Variants in WNK1 observed in about 807,000 individuals in gnomAD.
The protein encoded by WNK1 is WNK lysine deficient protein kinase 1, also known as serine/threonine-protein kinase WNK1.
Under a neutral mutation model 222.8 loss-of-function variants are expected in WNK1, and 38 were observed. The observed-to-expected ratio is 0.17, with a 90% CI of 0.13 to 0.22. The LOEUF is 0.22. WNK1 is among the 10% of genes least tolerant of loss of function. The pLI, the probability that WNK1 is intolerant of heterozygous loss-of-function variation, is 1.00. For synonymous variants in WNK1, 1,090 were observed against 1,092.9 expected, an observed-to-expected ratio of 1.00 and a Z score of 0.05; for missense variants, 2,348 against 2,918.4, an observed-to-expected ratio of 0.80 and a Z score of 4.50.
At chr12:893,823 AAAT>A (rs56048238) in intron 22 of WNK1, among the ~76,000 whole-genome samples, 16 of 143,776 alleles carry the variant, frequency 1.1e-4, no homozygotes, top group South Asian at 9.0e-4. Context: ...ACTCCATCTC[AAAT>A]AATAATAATA....
intron 4 of WNK1, among the ~76,000 whole-genome samples, chr12:856,186 G>T (rs377442939): frequency 6.6e-6 from 1 of 151,556 alleles, no homozygotes; most frequent in South Asian, 2.1e-4. Flanking sequence ...GGTGGCTCAC[G>T]CCTGTAATCC....
intron 4 of WNK1, among the ~76,000 whole-genome samples, chr12:847,474 T>G (rs1950103223): frequency 6.6e-6 from 1 of 152,210 alleles, no homozygotes; most frequent in African/African-American, 2.4e-5. Flanking sequence ...AAGTGTTCAC[T>G]AAAGTATTCA....
chr12:877,874 G>A (rs1312419041), intron 9 of WNK1: 1 of 342,398 alleles, frequency 2.9e-6, no homozygotes. Flanking sequence ...AGGGAAAAGG[G>A]AATGGCAGGG....
chr12:900,407 A>G lies in WNK1; in HGVS notation c.6449-69A>G, dbSNP rs184757900. Reference sequence around the variant, plus strand: ...CTCAGTGGAACAAACCAAATGTATAAGAACAGTGCCTGATGAGTGCATGGG... The same window carrying G: ...CTCAGTGGAACAAACCAAATGTATAGGAACAGTGCCTGATGAGTGCATGGG... On this transcript the variant is annotated intron_variant, in intron 25 of 27. Transcript: ENST00000315939. 2.4e-4 allele frequency: 378 copies of G among 1,562,562 alleles called. 4 individuals carry two copies. In the East Asian group the frequency reaches 8.3e-3, roughly 34 times the overall value.
chr12:851,809 A>G lies in WNK1; in HGVS notation c.1312-5352A>G, dbSNP rs763290139. The G allele has an allele frequency of 7.6e-6, 10 of 1,319,832 alleles. No individual in the cohort carries two copies. The African/African-American group carries it at 1.5e-4, about 20-fold the overall frequency. 81.8% of individuals were successfully genotyped at this position (1,319,832 alleles called of 1,614,324 possible). Reference sequence around the variant, plus strand: ...TAGGTAAGAATTTCCAGTATATGTAACAGTTTATATTGTAGCCTTTTTGGT... The same window carrying G: ...TAGGTAAGAATTTCCAGTATATGTAGCAGTTTATATTGTAGCCTTTTTGGT... On this transcript the variant is annotated intron_variant, in intron 4 of 27. Coordinates refer to ENST00000315939, the MANE Select transcript of WNK1 (RefSeq NM_018979.4).
In WNK1 at chr12:754,097, C is replaced by T; in HGVS notation, c.532C>T (p.Pro178Ser). The T allele has an allele frequency of 6.2e-7, 1 of 1,610,976 alleles. No individual in the cohort carries two copies. The highest frequency in any genetic ancestry group is 2.2e-5 in the East Asian group (1 of 44,840). The change falls in exon 1 of 28, where the codon CCG (proline) becomes TCG (serine). Residue 178 changes from proline to serine, a missense_variant. Physicochemically the swap from Pro to Ser is moderately conservative, Grantham distance 74 (BLOSUM62 -1). Transcript: ENST00000315939. ...QPSLVGSKEE[P>S]PPARSGSGGG... The stretch of plus-strand genomic sequence containing the variant: ...TAGCCTTGTGGGGAGCAAAGAGGAG[C>T]CGCCGCCGGCGAGAAGTGGCAGCGG...
At chr12:799,316 AG>A (rs1381960556) in intron 1 of WNK1, among the ~76,000 whole-genome samples, 1 of 147,710 alleles carries the variant, frequency 6.8e-6, no homozygotes, top group East Asian at 2.0e-4. Context: ...TTTTTTGTAG[AG>A]ATGGGGTTTT....
chr12:839,077 G>A (rs1162897334), intron 4 of WNK1, among the ~76,000 whole-genome samples: 1 of 152,142 alleles, frequency 6.6e-6, no homozygotes, highest in Non-Finnish European at 1.5e-5. Context: ...ACTTATTTTA[G>A]GGATAGGTAC....
At chr12:864,986 C>A in intron 8 of WNK1, 1 of 1,265,682 alleles carries the variant, frequency 7.9e-7, no homozygotes, top group Non-Finnish European at 1.0e-6. Flanking sequence ...AAAAAACTGA[C>A]TTTGTGGAAT....
intron 1 of WNK1, among the ~76,000 whole-genome samples, chr12:775,607 T>A (rs1164569802): frequency 6.6e-6 from 1 of 152,094 alleles, no homozygotes; most frequent in Admixed American, 6.6e-5. Context: ...TAGCTATAGT[T>A]CAAGGCTGCA....
chr12:800,050 G>A (rs575340881), intron 1 of WNK1, among the ~76,000 whole-genome samples: 3 of 152,212 alleles, frequency 2.0e-5, no homozygotes, highest in South Asian at 2.1e-4. Flanking sequence ...AGGCTGAGAC[G>A]GTAGGATTGC....
chr12:795,606 T>C (rs1046987885), intron 1 of WNK1, among the ~76,000 whole-genome samples: 6 of 152,208 alleles, frequency 3.9e-5, no homozygotes, highest in African/African-American at 1.4e-4. Flanking sequence ...CCCAGCCACA[T>C]AGAACTGTGA....
chr12:842,941 T>C (rs1198845522), intron 4 of WNK1, among the ~76,000 whole-genome samples: 1 of 152,096 alleles, frequency 6.6e-6, no homozygotes, highest in Admixed American at 6.6e-5. Context: ...ATTTATTTAT[T>C]TATTTATTTT....
intron 5 of WNK1, among the ~76,000 whole-genome samples, chr12:858,011 C>T (rs958081574): frequency 3.3e-5 from 5 of 152,146 alleles, no homozygotes; most frequent in African/African-American, 1.2e-4. Context: ...TTAAAGAATT[C>T]CATCTTTTCA....
In WNK1 at chr12:879,696, A is replaced by C. The variant is rs1352200471; in HGVS notation, c.2497A>C (p.Thr833Pro). ...HFLPVGQPLP[T>P]PLLPQYPVSQ... Reference sequence around the variant, plus strand: ...CCTTCCAGTGGGACAGCCGCTCCCTACTCCCTTGCTCCCTCAGTACCCTGT... The same window carrying C: ...CCTTCCAGTGGGACAGCCGCTCCCTCCTCCCTTGCTCCCTCAGTACCCTGT... The change falls in exon 11 of 28, where the codon ACT (threonine) becomes CCT (proline). Residue 833 changes from threonine to proline, a missense_variant. Transcript: ENST00000315939. 2 of 1,609,860 alleles carry C rather than the reference A, an allele frequency of 1.2e-6. No individual in the cohort carries two copies. Among genetic ancestry groups the C allele is most frequent in the African/African-American group, 1.4e-5 (1 of 73,620 alleles).
chr12:824,929 A>T (rs533622908), intron 2 of WNK1, among the ~76,000 whole-genome samples: 2 of 152,314 alleles, frequency 1.3e-5, no homozygotes, highest in African/African-American at 4.8e-5. Context: ...CATCCATCTT[A>T]TTCATTCCAT....
intron 2 of WNK1, among the ~76,000 whole-genome samples, chr12:818,209 C>G (rs906367077): frequency 6.6e-6 from 1 of 152,110 alleles, no homozygotes; most frequent in Admixed American, 6.5e-5. Context: ...CGTATTTTTT[C>G]TTTAATTGCA....
chr12:901,645 T>C, intron 26 of WNK1: 5 of 1,288,270 alleles, frequency 3.9e-6, no homozygotes, highest in Non-Finnish European at 5.1e-6. Flanking sequence ...ACGCCCTGCT[T>C]GGCTCTTTGT....
In WNK1 at chr12:795,930, A is replaced by G. The variant is rs908497247; in HGVS notation, c.760-17712A>G. ...GAGACAGAGTCACACTCTGTCACCC[A>G]GGCCAGAGTGCACTGGTGCAAATCT... On this transcript the variant is annotated intron_variant, in intron 1 of 27. Coordinates refer to ENST00000315939, the MANE Select transcript of WNK1 (RefSeq NM_018979.4). 4.6e-5 allele frequency among the ~76,000 whole-genome samples: 7 copies of G among 152,274 alleles called. No homozygotes were observed. In the East Asian group the frequency reaches 7.7e-4, roughly 17 times the overall value.
Sources: allele counts gnomAD v4.1 joint callset (sites outside exome capture counted in the v4.1 genomes callset), GRCh38; gene constraint gnomAD v4.1.1; transcripts MANE v1.5; gene names NCBI Gene and HGNC (gene_info 2026-07-23, HGNC 2026-07-21).